ERICH1: variants seen among roughly 807,000 people sequenced by gnomAD.
The protein encoded by ERICH1 is glutamate-rich protein 1.
In ERICH1, 56 loss-of-function variants were observed where a neutral mutation model predicts 39.6. The ratio of observed to expected loss-of-function variants is 1.41; its 90% CI spans 1.14 to 1.77. ERICH1 has a LOEUF of 1.77. Ranked by LOEUF, ERICH1 falls within the 40% of genes most tolerant of loss-of-function variation. The probability of loss-of-function intolerance (pLI) is 0.00; values close to 1 mark genes in which losing one functional copy is unlikely to be tolerated. For missense variants in ERICH1, 826 were observed against 575.4 expected, an observed-to-expected ratio of 1.44 and a Z score of -4.45; for synonymous variants, 313 against 223.6, an observed-to-expected ratio of 1.40 and a Z score of -3.57.
At chr8:626,419 G>A (rs4735891) in intron 3 of ERICH1, 27,464 of 152,142 alleles carry the variant, frequency 0.18, 3,077 homozygotes, top group Middle Eastern at 0.31. Context: ...AGGAGCTGGG[G>A]TGGGGTCATT....
chr8:724,478 G>A (rs545326840), intron 1 of ERICH1, among the ~76,000 whole-genome samples: 14 of 152,272 alleles, frequency 9.2e-5, no homozygotes, highest in Admixed American at 5.2e-4. Flanking sequence ...ACACCCAGCG[G>A]GATGCGAGCA....
In ERICH1 at chr8:693,036, C is replaced by A. The variant is rs557123603; in HGVS notation, c.170-424G>T. Reference sequence around the variant, plus strand: ...GGGTCTTTTTCTCCACACGTGCTAACAACATGTGTACACTGTGGCTGTGTG... The same window carrying A: ...GGGTCTTTTTCTCCACACGTGCTAAAAACATGTGTACACTGTGGCTGTGTG... On this transcript the variant is annotated intron_variant, in intron 2 of 5. Transcript: ENST00000262109. Among the ~76,000 whole-genome samples the A allele has an allele frequency of 2.0e-5, 3 of 152,264 alleles. No homozygotes were observed. In the East Asian group the frequency reaches 5.8e-4, roughly 29 times the overall value.
intron 1 of ERICH1, among the ~76,000 whole-genome samples, chr8:723,177 C>T (rs1479724678): frequency 6.6e-6 from 1 of 152,224 alleles, no homozygotes; most frequent in Non-Finnish European, 1.5e-5. Context: ...TGGCTCCCCT[C>T]TGCCTTCCCC....
chr8:641,038 A>G (rs1398557867), intron 3 of ERICH1: 1 of 152,042 alleles, frequency 6.6e-6, no homozygotes. Context: ...GCCCGCCCCT[A>G]TTTATTAGGA....
rs139731216 is a variant in ERICH1 at position 708,681 on chromosome 8, G to GTTT, written c.169+7177_169+7179dup. Among the ~76,000 whole-genome samples, 155 of 65,738 alleles carry GTTT rather than the reference G, an allele frequency of 2.4e-3. 18 individuals are homozygous for GTTT. The highest frequency in any genetic ancestry group is 5.9e-3 in the African/African-American group (104 of 17,528). 43.1% of individuals were successfully genotyped at this position (65,738 alleles called of 152,430 possible). On this transcript the variant is annotated intron_variant, in intron 2 of 5. Coordinates refer to ENST00000262109, the MANE Select transcript of ERICH1 (RefSeq NM_207332.3). ...GGGCTGAGTGGTTACGGGATAATGAGTTTTTTTTTTTTTTTTTTTTTTTTT... is the reference window on the plus strand; with the variant it reads ...GGGCTGAGTGGTTACGGGATAATGAGTTTTTTTTTTTTTTTTTTTTTTTTTTTT...
At chr8:679,826 ACGCAGCTGC>A (rs1805718602) in intron 3 of ERICH1, among the ~76,000 whole-genome samples, 2 of 152,040 alleles carry the variant, frequency 1.3e-5, no homozygotes, top group African/African-American at 4.8e-5. Context: ...AAGGGAAGAA[ACGCAGCTGC>A]CACCCCTGTG....
chr8:685,869 G>A (rs1322143725), intron 3 of ERICH1, among the ~76,000 whole-genome samples: 1 of 151,938 alleles, frequency 6.6e-6, no homozygotes, highest in Non-Finnish European at 1.5e-5. Context: ...AACTGACTGG[G>A]CACAGTGGCT....
At chr8:618,639 T>G (rs557236658) in intron 3 of ERICH1, among the ~76,000 whole-genome samples, 8 of 152,348 alleles carry the variant, frequency 5.3e-5, no homozygotes, top group Non-Finnish European at 1.0e-4. Context: ...TGGGTGTGAC[T>G]GAAACCTCTT....
chr8:699,542 A>G (rs1209036075), intron 2 of ERICH1, among the ~76,000 whole-genome samples: 1 of 152,090 alleles, frequency 6.6e-6, no homozygotes, highest in Non-Finnish European at 1.5e-5. Flanking sequence ...GGTGACGGCG[A>G]CTCACAAAAG....
At chr8:672,754 C>G (rs1489661385) in intron 4 of ERICH1, among the ~76,000 whole-genome samples, 1 of 152,168 alleles carries the variant, frequency 6.6e-6, no homozygotes, top group Non-Finnish European at 1.5e-5. Flanking sequence ...TTTTCCTTAT[C>G]TTATGTCAGT....
At chr8:681,261 C>T (rs1806055005) in intron 3 of ERICH1, among the ~76,000 whole-genome samples, 1 of 152,148 alleles carries the variant, frequency 6.6e-6, no homozygotes, top group Non-Finnish European at 1.5e-5. Flanking sequence ...CTACTCCATC[C>T]CAGATCTCAA....
chr8:639,585 C>CATG (rs1798749045), intron 3 of ERICH1, among the ~76,000 whole-genome samples: 1 of 151,740 alleles, frequency 6.6e-6, no homozygotes, highest in Admixed American at 6.6e-5. Flanking sequence ...AGTTAGCAGA[C>CATG]ACGACCAAGC....
At chr8:651,946 A>G (rs796906465) in intron 3 of ERICH1, among the ~76,000 whole-genome samples, 8 of 152,322 alleles carry the variant, frequency 5.3e-5, no homozygotes, top group African/African-American at 1.9e-4. Flanking sequence ...TAAATGTGGC[A>G]GGAATGGTGA....
chr8:688,980 G>A (rs560662826), intron 3 of ERICH1, among the ~76,000 whole-genome samples: 1,647 of 152,146 alleles, frequency 0.011, 11 homozygotes, highest in Non-Finnish European at 0.017. Flanking sequence ...CAAAAACAAG[G>A]AAAAAAGGCC....
intron 3 of ERICH1, among the ~76,000 whole-genome samples, chr8:650,195 A>G (rs1308475114): frequency 2.0e-5 from 3 of 152,196 alleles, no homozygotes; most frequent in Admixed American, 1.3e-4. Context: ...CTCTGCACTC[A>G]GGAGCTGCGT....
intron 2 of ERICH1, among the ~76,000 whole-genome samples, chr8:714,000 G>A (rs868386387): frequency 4.9e-5 from 7 of 143,834 alleles, no homozygotes; most frequent in African/African-American, 1.1e-4. Context: ...GCACCCAGGC[G>A]GCCTCTTCCG....
chr8:627,499 G>A (rs750284566), intron 3 of ERICH1, among the ~76,000 whole-genome samples: 1 of 152,210 alleles, frequency 6.6e-6, no homozygotes, highest in Non-Finnish European at 1.5e-5. Context: ...TACTACATAT[G>A]ACCGCCATCA....
At chr8:712,402 G>A (rs1003426839) in intron 2 of ERICH1, among the ~76,000 whole-genome samples, 2 of 151,350 alleles carry the variant, frequency 1.3e-5, no homozygotes, top group Non-Finnish European at 3.0e-5. Context: ...ATGGGGGGGT[G>A]GTAATATAAA....
intron 3 of ERICH1, among the ~76,000 whole-genome samples, chr8:636,205 C>A (rs1000567665): frequency 6.6e-6 from 1 of 152,244 alleles, no homozygotes; most frequent in East Asian, 1.9e-4. Context: ...TGAATCCCTG[C>A]GCCCCAACCA....
Sources: allele counts gnomAD v4.1 joint callset (sites outside exome capture counted in the v4.1 genomes callset), GRCh38; gene constraint gnomAD v4.1.1; transcripts MANE v1.5; gene names NCBI Gene and HGNC (gene_info 2026-07-23, HGNC 2026-07-21).